Variants in PINX1 observed in about 807,000 individuals in gnomAD.
The protein encoded by PINX1 is PIN2/TERF1-interacting telomerase inhibitor 1.
In PINX1, 34 loss-of-function variants were observed where a neutral mutation model predicts 25.4. The ratio of observed to expected loss-of-function variants is 1.34; its 90% CI spans 1.02 to 1.78. PINX1 has a LOEUF of 1.78. Among genes scored for constraint, PINX1 ranks in the 40% most tolerant of loss-of-function variants. The probability of loss-of-function intolerance (pLI) is 0.00; values close to 1 mark genes in which losing one functional copy is unlikely to be tolerated. For synonymous variants in PINX1, 197 were observed against 147.7 expected, an observed-to-expected ratio of 1.33 and a Z score of -2.42; for missense variants, 592 against 404.9, an observed-to-expected ratio of 1.46 and a Z score of -3.97.
rs1800990626 is a variant in PINX1 at position 10,765,236 on chromosome 8, C to A, written c.*165G>T. 3 of 593,510 alleles carry A rather than the reference C, an allele frequency of 5.1e-6. No homozygotes were observed. The highest frequency in any genetic ancestry group is 8.5e-6 in the Non-Finnish European group (3 of 351,442). 36.8% of individuals were successfully genotyped at this position (593,510 alleles called of 1,614,324 possible). ...TAAAAAGGTCCTCCTGGGAATGTAA[C>A]TTGGGGGAAATGTGGCGAGAGGGCA... On this transcript the variant is annotated 3_prime_UTR_variant, in exon 7 of 7. Coordinates refer to ENST00000314787, the MANE Select transcript of PINX1 (RefSeq NM_017884.6).
intron 5 of PINX1, among the ~76,000 whole-genome samples, chr8:10,825,818 T>A (rs186687415): frequency 7.6e-4 from 116 of 152,362 alleles, no homozygotes; most frequent in Non-Finnish European, 6.8e-4. Context: ...GCTAAAAATG[T>A]TGGGCAAGAA....
chr8:10,834,783 T>C lies in PINX1; in HGVS notation c.20-8A>G. 6.2e-7 allele frequency: 1 copy of C among 1,600,424 alleles called. No homozygotes were observed. The highest frequency in any genetic ancestry group is 1.1e-5 in the South Asian group (1 of 90,038). ...ACTTCTGCTTCCGCCGACCTGTAAATGAAAAAGCATTATCATCAGCAATGG... is the reference window on the plus strand; with the variant it reads ...ACTTCTGCTTCCGCCGACCTGTAAACGAAAAAGCATTATCATCAGCAATGG... On this transcript the variant is annotated splice_polypyrimidine_tract_variant and splice_region_variant and intron_variant, in intron 1 of 6. Coordinates refer to ENST00000314787, the MANE Select transcript of PINX1 (RefSeq NM_017884.6).
chr8:10,839,601 G>T, intron 1 of PINX1, 137 bp downstream of exon 1: 1 of 854,230 alleles, frequency 1.2e-6, no homozygotes, highest in Non-Finnish European at 1.9e-6. Context: ...TCAGAGCCGG[G>T]CTCGGCTCCC....
chr8:10,808,045 G>C (rs995324132), intron 6 of PINX1, among the ~76,000 whole-genome samples: 5 of 152,150 alleles, frequency 3.3e-5, no homozygotes, highest in African/African-American at 9.7e-5. Flanking sequence ...GAATGCTTTT[G>C]TTTCCCATCA....
chr8:10,786,139 T>A (rs539380440), intron 6 of PINX1, among the ~76,000 whole-genome samples: 224 of 152,354 alleles, frequency 1.5e-3, no homozygotes, highest in Admixed American at 2.4e-3. Flanking sequence ...CAAAATGCCT[T>A]GTTATCTTAA....
At chr8:10,794,609 T>C (rs555061708) in intron 6 of PINX1, among the ~76,000 whole-genome samples, 2 of 152,076 alleles carry the variant, frequency 1.3e-5, no homozygotes, top group Non-Finnish European at 2.9e-5. Context: ...GTATTTTTAG[T>C]AGAGACGGGG....
At chr8:10,820,424 C>T in intron 5 of PINX1, 155 bp from the exon 6 acceptor site, 1 of 675,600 alleles carries the variant, frequency 1.5e-6, no homozygotes, top group Non-Finnish European at 2.7e-6. Context: ...TTCATTACAA[C>T]TCTTTCATTA....
chr8:10,829,793 C>G (rs1280719712), intron 4 of PINX1, among the ~76,000 whole-genome samples: 1 of 152,060 alleles, frequency 6.6e-6, no homozygotes, highest in Non-Finnish European at 1.5e-5. Context: ...TCAAGCGATT[C>G]TCCTGCCTCA....
rs1350228936 is a variant in PINX1 at position 10,765,279 on chromosome 8, G to C, written c.*122C>G. The C allele has an allele frequency of 2.3e-6, 2 of 883,056 alleles. No individual in the cohort carries two copies. Among genetic ancestry groups the C allele is most frequent in the African/African-American group, 1.7e-5 (1 of 59,208 alleles). The allele number at this position is 883,056 out of a possible 1,614,324, so 54.7% of individuals were successfully genotyped here. ...AGAGGGCAGGACTCGGCAGCCCATG[G>C]GCATGCCACAAGATGCGCCCAGGCG... is the stretch of plus-strand genomic sequence containing the variant. On this transcript the variant is annotated 3_prime_UTR_variant, in exon 7 of 7. Coordinates refer to ENST00000314787, the MANE Select transcript of PINX1 (RefSeq NM_017884.6).
intron 6 of PINX1, among the ~76,000 whole-genome samples, chr8:10,781,929 T>C (rs556511101): frequency 2.0e-4 from 31 of 151,254 alleles, no homozygotes; most frequent in African/African-American, 7.6e-4. Flanking sequence ...CATGGAAACA[T>C]CCTAAGTGTC....
chr8:10,787,161 T>C (rs1801776182), intron 6 of PINX1, among the ~76,000 whole-genome samples: 1 of 151,910 alleles, frequency 6.6e-6, no homozygotes, highest in South Asian at 2.1e-4. Flanking sequence ...TGATATATTA[T>C]ATATATAAAT....
At chr8:10,791,865 G>A (rs889567783) in intron 6 of PINX1, among the ~76,000 whole-genome samples, 2 of 152,206 alleles carry the variant, frequency 1.3e-5, no homozygotes, top group African/African-American at 2.4e-5. Flanking sequence ...GGAGCGGGGA[G>A]ACATCCTGCC....
Position 10,834,708 on chromosome 8 carries a change from A to C in PINX1, c.87T>G (p.Phe29Leu). ...CCATCTTCTCTAGCATCCGCTGGCC[A>C]AACTTGGAATCGTCATTACTCCAGG... is the stretch of plus-strand genomic sequence containing the variant. ...NTAWSNDDSK[F>L]GQRMLEKMGW... is the part of the protein sequence containing the mutation. The change falls in exon 2 of 7, where the codon TTT (phenylalanine) becomes TTG (leucine). Residue 29 changes from phenylalanine (F) to leucine (L), a missense_variant. By Grantham distance (22) the Phe-to-Leu change is conservative. Coordinates refer to ENST00000314787, the MANE Select transcript of PINX1 (RefSeq NM_017884.6). The C allele has an allele frequency of 6.2e-7, 1 of 1,613,926 alleles. No homozygotes were observed. Among genetic ancestry groups the C allele is most frequent in the Non-Finnish European group, 8.5e-7 (1 of 1,179,848 alleles).
At chr8:10,823,462 G>C (rs952328273) in intron 5 of PINX1, among the ~76,000 whole-genome samples, 1 of 151,842 alleles carries the variant, frequency 6.6e-6, no homozygotes, top group Non-Finnish European at 1.5e-5. Context: ...GCTTTGTATC[G>C]ATTGACATTT....
rs549622643 is a variant in PINX1 at position 10,799,283 on chromosome 8, A to G, written c.471+20910T>C. 1.7e-3 allele frequency among the ~76,000 whole-genome samples: 254 copies of G among 152,278 alleles called. 1 individual carries two copies. The highest frequency in any genetic ancestry group is 5.9e-3 in the African/African-American group (247 of 41,562). ...ATTTGAATACAATCATCAATTTAAG[A>G]TGGTCTCAACAGAACTGTTGAGACT... is the stretch of plus-strand genomic sequence containing the variant. On this transcript the variant is annotated intron_variant, in intron 6 of 6. Coordinates refer to ENST00000314787, the MANE Select transcript of PINX1 (RefSeq NM_017884.6).
intron 6 of PINX1, among the ~76,000 whole-genome samples, chr8:10,778,266 A>C (rs1278115099): frequency 6.6e-6 from 1 of 152,160 alleles, no homozygotes; most frequent in Non-Finnish European, 1.5e-5. Context: ...GCTTAGGACC[A>C]GAAGAGTTTC....
At position 10,765,828 on chromosome 8, in the gene PINX1, G is replaced by A. The variant is rs771784835; in HGVS notation, c.560C>T (p.Ala187Val). The A allele has an allele frequency of 2.5e-6, 4 of 1,613,802 alleles. No homozygotes were observed. The highest frequency in any genetic ancestry group is 2.7e-5 in the African/African-American group (2 of 74,908). ...AACCTGGGGCTTGTTCTTCAGTGCT[G>A]CCATCCGCTTGGCAAAGTACTCCTG... is the stretch of plus-strand genomic sequence containing the variant. ...TIQEYFAKRM[A>V]ALKNKPQVPV... The change falls in exon 7 of 7, where the codon GCA (alanine) becomes GTA (valine). Residue 187 changes from alanine to valine, a missense_variant. By Grantham distance (64) the Ala-to-Val change is moderately conservative. Coordinates refer to ENST00000314787, the MANE Select transcript of PINX1 (RefSeq NM_017884.6).
At chr8:10,806,671 T>C (rs949518782) in intron 6 of PINX1, among the ~76,000 whole-genome samples, 3 of 152,178 alleles carry the variant, frequency 2.0e-5, no homozygotes, top group Non-Finnish European at 4.4e-5. Context: ...CAGCAGCCAG[T>C]GTTTCCTCTA....
chr8:10,831,157 T>A (rs1437176901), intron 4 of PINX1, among the ~76,000 whole-genome samples: 1 of 152,222 alleles, frequency 6.6e-6, no homozygotes, highest in African/African-American at 2.4e-5. Flanking sequence ...ATGGTTGAGT[T>A]TGGAGGACAT....
Sources: allele counts gnomAD v4.1 joint callset (sites outside exome capture counted in the v4.1 genomes callset), GRCh38; gene constraint gnomAD v4.1.1; transcripts MANE v1.5; gene names NCBI Gene and HGNC (gene_info 2026-07-23, HGNC 2026-07-21).